The following ADK variants were observed in gnomAD, a reference collection of about 807,000 sequenced individuals.
ADK encodes the protein N6,N6-dimethyladenosine kinase.
ADK carries 24 observed loss-of-function variants against 44.7 expected under a neutral mutation model. The observed-to-expected ratio is 0.54, with a 90% CI of 0.39 to 0.76. The LOEUF (loss-of-function observed/expected upper bound fraction) is 0.76, where lower values mean the gene tolerates loss of function less well. Ranked by LOEUF, ADK falls within the 30% of genes least tolerant of loss-of-function variation. The pLI, the probability that ADK is intolerant of heterozygous loss-of-function variation, is 0.00. For synonymous variants in ADK, 128 were observed against 142.6 expected (o/e 0.90, Z 0.73); for missense variants, 321 against 425.1 (o/e 0.76, Z 2.15).
chr10:74,698,803 G>A (rs899322658), intron 10 of ADK, among the ~76,000 whole-genome samples: 8 of 151,190 alleles, frequency 5.3e-5, no homozygotes, highest in African/African-American at 1.9e-4. Context: ...AAATGATCTG[G>A]GTGCCTCAGC....
At chr10:74,210,704 A>G (rs1272748973) in intron 2 of ADK, among the ~76,000 whole-genome samples, 6 of 152,252 alleles carry the variant, frequency 3.9e-5, no homozygotes, top group Non-Finnish European at 7.3e-5. Flanking sequence ...TTCAGTGCCA[A>G]TAATTTACAA....
intron 10 of ADK, among the ~76,000 whole-genome samples, chr10:74,681,479 C>A (rs930507095): frequency 1.3e-5 from 2 of 152,088 alleles, no homozygotes; most frequent in African/African-American, 4.8e-5. Context: ...GAGTTAATTG[C>A]AAATACGAGA....
Position 74,508,065 on chromosome 10 carries a change from G to T in ADK, c.556-17191G>T, listed in dbSNP as rs144934424. 4.8e-3 allele frequency among the ~76,000 whole-genome samples: 726 copies of T among 152,282 alleles called. 7 individuals carry two copies. The highest frequency in any genetic ancestry group is 0.017 in the African/African-American group (691 of 41,556). The stretch of plus-strand genomic sequence containing the variant: ...TGACTGAAGCAAGGACATATGTTAT[G>T]AAGTAATGTAGATTACAGCTGGTTT... On this transcript the variant is annotated intron_variant, in intron 6 of 10. Coordinates refer to ENST00000539909, the MANE Select transcript of ADK (RefSeq NM_006721.4).
chr10:74,643,434 T>C (rs984980517), intron 9 of ADK, among the ~76,000 whole-genome samples: 4 of 152,222 alleles, frequency 2.6e-5, no homozygotes, highest in African/African-American at 7.2e-5. Context: ...TCCAGTTCAC[T>C]AATTCTTTTT....
chr10:74,646,782 G>A (rs1159909788), intron 9 of ADK, among the ~76,000 whole-genome samples: 7 of 152,190 alleles, frequency 4.6e-5, no homozygotes, highest in African/African-American at 1.7e-4. Flanking sequence ...ACAGTTATTG[G>A]TGTGGTCAGT....
At chr10:74,521,678 A>G (rs1848841742) in intron 6 of ADK, among the ~76,000 whole-genome samples, 1 of 152,232 alleles carries the variant, frequency 6.6e-6, no homozygotes, top group Non-Finnish European at 1.5e-5. Flanking sequence ...AAGACTAAAA[A>G]GCAAGACAGT....
intron 7 of ADK, among the ~76,000 whole-genome samples, chr10:74,548,179 G>A (rs575959817): frequency 1.7e-4 from 26 of 151,984 alleles, no homozygotes; most frequent in East Asian, 1.9e-4. Context: ...ATTTTCATTA[G>A]TCTTCTAGTG....
chr10:74,163,860 T>C (rs1195948883), intron 1 of ADK, among the ~76,000 whole-genome samples: 1 of 152,258 alleles, frequency 6.6e-6, no homozygotes, highest in Non-Finnish European at 1.5e-5. Context: ...AGTTTGTTGT[T>C]TTATAGGCTT....
At chr10:74,670,661 A>T (rs889766772) in intron 10 of ADK, among the ~76,000 whole-genome samples, 1 of 152,204 alleles carries the variant, frequency 6.6e-6, no homozygotes, top group Non-Finnish European at 1.5e-5. Flanking sequence ...ACTAAGGATG[A>T]TGTCTTTTGA....
At chr10:74,367,173 A>G (rs1842522719) in intron 4 of ADK, among the ~76,000 whole-genome samples, 1 of 152,188 alleles carries the variant, frequency 6.6e-6, no homozygotes, top group African/African-American at 2.4e-5. Flanking sequence ...AACCCTGATC[A>G]TTGTTGCACT....
At chr10:74,489,686 T>C (rs1002647789) in intron 6 of ADK, among the ~76,000 whole-genome samples, 2 of 151,920 alleles carry the variant, frequency 1.3e-5, no homozygotes, top group Admixed American at 6.6e-5. Flanking sequence ...TAATTTTTTT[T>C]TTTTACTATT....
At chr10:74,233,466 G>A (rs1359858852) in intron 3 of ADK, among the ~76,000 whole-genome samples, 2 of 152,126 alleles carry the variant, frequency 1.3e-5, no homozygotes, top group Non-Finnish European at 2.9e-5. Context: ...ATACCTTTGT[G>A]TCTGTCCTTC....
chr10:74,462,150 G>C (rs1196418568), intron 6 of ADK, among the ~76,000 whole-genome samples: 1 of 152,134 alleles, frequency 6.6e-6, no homozygotes, highest in South Asian at 2.1e-4. Flanking sequence ...TTATACCAGA[G>C]CACCATGTCC....
chr10:74,539,819 C>T (rs1849566661), intron 7 of ADK, among the ~76,000 whole-genome samples: 1 of 152,100 alleles, frequency 6.6e-6, no homozygotes, highest in Admixed American at 6.6e-5. Flanking sequence ...CTGCTCAGCT[C>T]CTAGATTTAA....
At chr10:74,324,997 A>G (rs966154689) in intron 4 of ADK, among the ~76,000 whole-genome samples, 2 of 152,146 alleles carry the variant, frequency 1.3e-5, no homozygotes, top group Non-Finnish European at 1.5e-5. Context: ...GTGGTTCTAT[A>G]TGAATTTTAG....
rs1158209477 is a variant in ADK, at chr10:74,182,709, A to G, written c.66-18055A>G. 2.0e-5 allele frequency among the ~76,000 whole-genome samples: 3 copies of G among 152,096 alleles called. No individual in the cohort carries two copies. The South Asian group carries it at 6.2e-4, about 31-fold the overall frequency. ...TTGTCAGCTGTTAATGCTCCTATTT[A>G]TGAATAGGTCACCTTTGTTTGAAAA... On this transcript the variant is annotated intron_variant, in intron 1 of 10. Coordinates refer to ENST00000539909, the MANE Select transcript of ADK (RefSeq NM_006721.4).
chr10:74,491,074 G>A (rs942200301), intron 6 of ADK, among the ~76,000 whole-genome samples: 9 of 151,996 alleles, frequency 5.9e-5, no homozygotes, highest in Non-Finnish European at 1.5e-5. Flanking sequence ...CTAATAGTTA[G>A]GTTTTATATA....
chr10:74,164,614 G>C (rs191171995), intron 1 of ADK, among the ~76,000 whole-genome samples: 2 of 151,932 alleles, frequency 1.3e-5, no homozygotes, highest in East Asian at 3.9e-4. Context: ...CTTCCTTAGG[G>C]GTATTCATCT....
At chr10:74,317,299 G>A (rs1336058251) in intron 4 of ADK, among the ~76,000 whole-genome samples, 4 of 152,146 alleles carry the variant, frequency 2.6e-5, no homozygotes, top group Non-Finnish European at 5.9e-5. Flanking sequence ...TGCACAGCAT[G>A]TATATAACAC....
Sources: allele counts gnomAD v4.1 joint callset (sites outside exome capture counted in the v4.1 genomes callset), GRCh38; gene constraint gnomAD v4.1.1; transcripts MANE v1.5; gene names NCBI Gene and HGNC (gene_info 2026-07-23, HGNC 2026-07-21).